Variants in SASH1 observed in about 807,000 individuals in gnomAD.
The protein encoded by SASH1 is SAM and SH3 domain containing 1.
Under a neutral mutation model 125.2 loss-of-function variants are expected in SASH1, and 44 were observed. That is an observed-to-expected ratio of 0.35 (90% CI 0.28 to 0.45). The LOEUF (loss-of-function observed/expected upper bound fraction) is 0.45, where lower values mean the gene tolerates loss of function less well. SASH1 is among the 20% of genes least tolerant of loss of function. SASH1 has a pLI of 1.00. For synonymous variants in SASH1, 639 were observed against 649.1 expected (o/e 0.98, Z 0.24); for missense variants, 1,426 against 1,614.5 (o/e 0.88, Z 2.00).
intron 8 of SASH1, chr6:148,513,112 A>C: frequency 1.0e-6 from 1 of 985,138 alleles, no homozygotes; most frequent in Non-Finnish European, 1.2e-6. Context: ...ATTCTCTGCA[A>C]CTCTTGCTTA....
rs140706284 is a variant in SASH1, at chr6:148,457,951, A to G, written c.387-10594A>G. The stretch of plus-strand genomic sequence containing the variant: ...GAACAGCATGAGGGTAACCGCCCCC[A>G]TGATTAAATCACCTCCAACCAGGTC... On this transcript the variant is annotated intron_variant, in intron 4 of 19. Transcript: ENST00000367467. Among the ~76,000 whole-genome samples, 723 of 152,338 alleles carry G rather than the reference A, an allele frequency of 4.7e-3. 9 individuals are homozygous for G. Among genetic ancestry groups the G allele is most frequent in the African/African-American group, 0.016 (656 of 41,576 alleles).
rs1167310333 is a variant in SASH1, at chr6:148,544,188, G to A, written c.2718G>A (p.Leu906=). 3 of 1,614,016 alleles carry A rather than the reference G, an allele frequency of 1.9e-6. No homozygotes were observed. In the African/African-American group the frequency reaches 4.0e-5, roughly 22 times the overall value. Residue 906 remains leucine, a synonymous_variant, in exon 18 of 20, where the codon TTG becomes TTA. Transcript: ENST00000367467. The surrounding 1 kb of genome is among the most constrained non-coding windows in gnomAD (Gnocchi z 6.4). ...AGAGATTTTCTGAACCTCAGAAATT[G>A]ACAACTAAGAAACTGGAGGGCTCAA... ...QSKRFSEPQK[L]TTKKLEGSIA... is the part of the protein sequence containing the mutation.
chr6:148,505,682 C>A (rs1343083743), intron 8 of SASH1, among the ~76,000 whole-genome samples: 1 of 150,572 alleles, frequency 6.6e-6, no homozygotes, highest in Non-Finnish European at 1.5e-5. Flanking sequence ...CGCTCTGTCA[C>A]CCAGGCGTGC....
At chr6:148,322,890 T>G (rs1238991764) in intron 1 of SASH1, among the ~76,000 whole-genome samples, 1 of 88,778 alleles carries the variant, frequency 1.1e-5, no homozygotes, top group Admixed American at 1.4e-4. Context: ...TTTCTTTTTC[T>G]TCTTTCTTTC....
Position 148,551,626 on chromosome 6 carries a change from A to T in SASH1, c.*3068A>T, listed in dbSNP as rs140822511. Reference sequence around the variant, plus strand: ...TTCATAACTGCAGCAAAAAAGGTCAACTTGCCAAGTCACTGCTGCCATGTG... The same window carrying T: ...TTCATAACTGCAGCAAAAAAGGTCATCTTGCCAAGTCACTGCTGCCATGTG... On this transcript the variant is annotated 3_prime_UTR_variant, in exon 20 of 20. Transcript: ENST00000367467. 2 of 152,572 alleles carry T rather than the reference A, an allele frequency of 1.3e-5. No individual in the cohort carries two copies. Among genetic ancestry groups the T allele is most frequent in the East Asian group, 3.9e-4 (2 of 5,190 alleles). The allele number at this position is 152,572 out of a possible 1,614,324, so 9.5% of individuals were successfully genotyped here.
At chr6:148,305,963 T>TG (rs1780118884) in intron 1 of SASH1, among the ~76,000 whole-genome samples, 1 of 152,234 alleles carries the variant, frequency 6.6e-6, no homozygotes, top group Admixed American at 6.5e-5. Context: ...CTTGAGGTGA[T>TG]GAGCCCCATT....
chr6:148,488,178 G>A (rs568154841), intron 8 of SASH1, among the ~76,000 whole-genome samples: 98 of 152,152 alleles, frequency 6.4e-4, no homozygotes, highest in East Asian at 1.9e-4. Context: ...GGCAGCCACC[G>A]TTCTACTTTC....
In SASH1 at chr6:148,544,283, G is replaced by A. The variant is rs144666558; in HGVS notation, c.2813G>A (p.Gly938Glu). 2.4e-5 allele frequency: 39 copies of A among 1,614,000 alleles called. No homozygotes were observed. The highest frequency in any genetic ancestry group is 3.1e-5 in the Non-Finnish European group (36 of 1,180,040). ...AGAAACTATGATGCTCAGCCTCCTG[G>A]AGCTAAACACGGTTTAGCAAGGACG... ...LPRNYDAQPP[G>E]AKHGLARTPL... The change falls in exon 18 of 20, where the codon GGA becomes GAA. Residue 938 changes from glycine (G) to glutamate (E), a missense_variant. Transcript: ENST00000367467. This position sits in a 1 kb window ranked among gnomAD's most constrained non-coding sequence, Gnocchi z 6.4.
rs1781564967 is a variant in SASH1 at position 148,532,263 on chromosome 6, TTTTGCCATGTAGCCC to T, written c.1565-533_1565-519del. Among the ~76,000 whole-genome samples the T allele has an allele frequency of 1.3e-5, 2 of 151,776 alleles. No homozygotes were observed. The highest frequency in any genetic ancestry group is 4.2e-4 in the South Asian group (2 of 4,788). On this transcript the variant is annotated intron_variant, in intron 13 of 19. Transcript: ENST00000367467. This position sits in a 1 kb window ranked among gnomAD's most constrained non-coding sequence, Gnocchi z 4.7. Reference sequence around the variant, plus strand: ...GGCTAATTTTGTTGTAGAGACGGGGTTTTGCCATGTAGCCCAGGCTGGTGGAACTCCTGGACTCAA... The same window carrying T: ...GGCTAATTTTGTTGTAGAGACGGGGTAGGCTGGTGGAACTCCTGGACTCAA...
intron 7 of SASH1, among the ~76,000 whole-genome samples, chr6:148,478,225 T>C (rs958450083): frequency 2.6e-5 from 4 of 152,198 alleles, no homozygotes; most frequent in African/African-American, 9.7e-5. Flanking sequence ...ATCTGCACTC[T>C]CATGTTTATT....
chr6:148,540,622 G>A, intron 17 of SASH1, 66 bp downstream of exon 17: 1 of 1,172,800 alleles, frequency 8.5e-7, no homozygotes, highest in Non-Finnish European at 1.3e-6. Flanking sequence ...ACAGTTTTCT[G>A]CAAAAGGACG....
rs752078853 is a variant in SASH1, at chr6:148,519,578, G to A, written c.894G>A (p.Pro298=). Residue 298 remains proline, a synonymous_variant, in exon 10 of 20, where the codon CCG becomes CCA. Transcript: ENST00000367467. The surrounding 1 kb of genome is among the most constrained non-coding windows in gnomAD (Gnocchi z 4.8). ...GGEEHVFENS[P]VLDERSALYS... is the part of the protein sequence containing the mutation. ...AGGAGCACGTGTTTGAGAATTCGCC[G>A]GTCCTGGATGAACGGTCCGCCCTCT... The A allele has an allele frequency of 7.4e-6, 12 of 1,614,006 alleles. No individual in the cohort carries two copies. Among genetic ancestry groups the A allele is most frequent in the South Asian group, 3.3e-5 (3 of 91,080 alleles).
chr6:148,537,415 G>T lies in SASH1; in HGVS notation c.2095+2514G>T, dbSNP rs143771872. Among the ~76,000 whole-genome samples, 808 of 152,204 alleles carry T rather than the reference G, an allele frequency of 5.3e-3. 6 individuals are homozygous for T. Among genetic ancestry groups the T allele is most frequent in the African/African-American group, 0.018 (763 of 41,534 alleles). ...GAAAGCCTCTTACAAATTGCTAAAA[G>T]AATTTTTACTTGTGGTAAAATACAG... On this transcript the variant is annotated intron_variant, in intron 16 of 19. Coordinates refer to ENST00000367467, the MANE Select transcript of SASH1 (RefSeq NM_015278.5).
At chr6:148,507,577 C>T (rs1018111231) in intron 8 of SASH1, among the ~76,000 whole-genome samples, 1 of 152,072 alleles carries the variant, frequency 6.6e-6, no homozygotes, top group African/African-American at 2.4e-5. Context: ...CACCATGTTT[C>T]CCAGGCTGGT....
rs1319831099 is a variant in SASH1, at chr6:148,551,687, C to CT, written c.*3130dup. ...TATTTTCAGAAAAAAATATAATAGT[C>CT]TGAGTCCAAGTTATCTTGATTTAAA... On this transcript the variant is annotated 3_prime_UTR_variant, in exon 20 of 20. Transcript: ENST00000367467. The CT allele has an allele frequency of 6.6e-6, 1 of 152,608 alleles. No individual in the cohort carries two copies. Among genetic ancestry groups the CT allele is most frequent in the African/African-American group, 2.4e-5 (1 of 41,446 alleles). The allele number at this position is 152,608 out of a possible 1,614,324, so 9.5% of individuals were successfully genotyped here. A position where few individuals can be genotyped will look rare whatever the true frequency, so the allele number is the denominator to read the frequency against.
Position 148,449,078 on chromosome 6 carries a change from C to CTTTTTTTTTTT in SASH1, c.386+8676_386+8686dup. On this transcript the variant is annotated intron_variant, in intron 4 of 19. Transcript: ENST00000367467. ...GAGACTGGCTAATTTCATTTCATTTCTTTTTTTTTTTTTTTGGAGACAGAG... is the reference window on the plus strand; with the variant it reads ...GAGACTGGCTAATTTCATTTCATTTCTTTTTTTTTTTTTTTTTTTTTTTTTTGGAGACAGAG... Among the ~76,000 whole-genome samples, 400 of 88,342 alleles carry CTTTTTTTTTTT rather than the reference C, an allele frequency of 4.5e-3. 19 individuals are homozygous for CTTTTTTTTTTT. Among genetic ancestry groups the CTTTTTTTTTTT allele is most frequent in the Non-Finnish European group, 7.0e-3 (302 of 43,140 alleles). 58.0% of individuals were successfully genotyped at this position (88,342 alleles called of 152,430 possible). A position where few individuals can be genotyped will look rare whatever the true frequency, so the allele number is the denominator to read the frequency against.
At chr6:148,371,771 C>A (rs973387158) in intron 1 of SASH1, among the ~76,000 whole-genome samples, 3 of 152,140 alleles carry the variant, frequency 2.0e-5, no homozygotes, top group African/African-American at 7.2e-5. Flanking sequence ...GCACCTGCCT[C>A]CCCGTGACCC....
At chr6:148,327,628 T>C (rs1273612241) in intron 1 of SASH1, among the ~76,000 whole-genome samples, 1 of 150,448 alleles carries the variant, frequency 6.6e-6, no homozygotes, top group East Asian at 2.0e-4. Flanking sequence ...TTAGTCAAAA[T>C]TATGGAATAT....
intron 9 of SASH1, among the ~76,000 whole-genome samples, chr6:148,518,224 T>G (rs926710953): frequency 4.6e-5 from 7 of 152,108 alleles, no homozygotes; most frequent in African/African-American, 1.7e-4. Context: ...AATCCTGCCT[T>G]TAAAGTCCCC....
Sources: gnomAD v4.1 joint callset for allele counts (sites outside exome capture counted in the v4.1 genomes callset) on GRCh38, gnomAD v4.1.1 for gene constraint, Gnocchi (gnomAD v3.1) non-coding constraint, MANE v1.5 for transcripts, NCBI Gene and HGNC (gene_info 2026-07-23, HGNC 2026-07-21) for gene names.